The following CYBRD1 variants were observed in gnomAD, a reference collection of about 807,000 sequenced individuals.
The protein encoded by CYBRD1 is cytochrome b reductase 1, also known as plasma membrane ascorbate-dependent reductase CYBRD1.
CYBRD1 carries 14 observed loss-of-function variants against 21.9 expected under a neutral mutation model. The ratio of observed to expected loss-of-function variants is 0.64; its 90% CI spans 0.42 to 1.00. CYBRD1 has a LOEUF of 1.00. Among genes scored for constraint, CYBRD1 ranks in the 50% least tolerant of loss-of-function variants. The pLI is 0.00. For synonymous variants in CYBRD1, 146 were observed against 136.5 expected (o/e 1.07, Z -0.48); for missense variants, 328 against 352.5 (o/e 0.93, Z 0.56).
chr2:171,532,738 T>G (rs1290413459), intron 1 of CYBRD1, among the ~76,000 whole-genome samples: 1 of 151,792 alleles, frequency 6.6e-6, no homozygotes, highest in Admixed American at 6.6e-5. Flanking sequence ...GAAGCAGAGG[T>G]TGCAGTGAGC....
At chr2:171,538,950 A>G (rs538753737) in intron 1 of CYBRD1, among the ~76,000 whole-genome samples, 6 of 152,144 alleles carry the variant, frequency 3.9e-5, no homozygotes, top group African/African-American at 1.4e-4. Flanking sequence ...GGTGCCTACC[A>G]CCACGCCCGG....
intron 2 of CYBRD1, 142 bp from the exon 3 acceptor site, chr2:171,553,204 A>C: frequency 1.1e-6 from 1 of 896,388 alleles, no homozygotes; most frequent in African/African-American, 1.7e-5. Context: ...AGGTAGTGGA[A>C]CTGGAGCGAG....
chr2:171,525,378 A>G (rs1413988883), intron 1 of CYBRD1, among the ~76,000 whole-genome samples: 1 of 152,180 alleles, frequency 6.6e-6, no homozygotes, highest in African/African-American at 2.4e-5. Context: ...ACATGAGCAT[A>G]AATGTTTTCA....
intron 1 of CYBRD1, among the ~76,000 whole-genome samples, chr2:171,534,763 T>C (rs1200010389): frequency 1.3e-5 from 2 of 152,186 alleles, no homozygotes; most frequent in Admixed American, 1.3e-4. Context: ...CTTATGGAAA[T>C]ATTGTTTTAA....
intron 1 of CYBRD1, among the ~76,000 whole-genome samples, chr2:171,526,068 A>G (rs1481932759): frequency 6.6e-6 from 1 of 151,872 alleles, no homozygotes; most frequent in African/African-American, 2.4e-5. Context: ...GGAGTTCGAG[A>G]CCAGCCTGGC....
intron 2 of CYBRD1, among the ~76,000 whole-genome samples, chr2:171,548,677 C>T (rs1697755699): frequency 1.5e-5 from 2 of 134,938 alleles, no homozygotes; most frequent in Admixed American, 1.5e-4. Flanking sequence ...GCAAACCATA[C>T]CTACTACAAA....
At chr2:171,554,409 T>C (rs759147015) in intron 3 of CYBRD1, 115 bp from the exon 4 acceptor site, 9 of 977,778 alleles carry the variant, frequency 9.2e-6, no homozygotes, top group Non-Finnish European at 1.4e-5. Context: ...ATAGCAAGCT[T>C]TGAGAGTTTA....
intron 1 of CYBRD1, chr2:171,523,223 C>T: frequency 2.6e-6 from 1 of 390,556 alleles, no homozygotes. Flanking sequence ...GCTGAACTTG[C>T]TTCCAGGCTG....
chr2:171,531,175 A>C (rs561452126), intron 1 of CYBRD1, among the ~76,000 whole-genome samples: 1 of 151,256 alleles, frequency 6.6e-6, no homozygotes, highest in Admixed American at 6.6e-5. Context: ...AAAAAAAAGA[A>C]AGACTAGAAA....
chr2:171,554,181 T>C (rs2105348454), intron 3 of CYBRD1, among the ~76,000 whole-genome samples: 1 of 152,310 alleles, frequency 6.6e-6, no homozygotes, highest in Non-Finnish European at 1.5e-5. Flanking sequence ...GGGAGTAGCC[T>C]CGGGTCCTTT....
rs750166933 is a variant in CYBRD1 at position 171,554,766 on chromosome 2, A to C, written c.800A>C (p.Glu267Ala). The C allele has an allele frequency of 6.2e-7, 1 of 1,614,008 alleles. No homozygotes were observed. The highest frequency in any genetic ancestry group is 8.5e-7 in the Non-Finnish European group (1 of 1,179,936). The change falls in exon 4 of 4, where the codon GAA becomes GCA. Residue 267 changes from glutamate (E) to alanine (A), a missense_variant. Physicochemically the swap from Glu to Ala is moderately radical, Grantham distance 107. Transcript: ENST00000321348. ...MDKSDSELNS[E>A]VAARKRNLAL... ...AAATCAGATTCAGAGTTAAACAGTG[A>C]AGTAGCAGCAAGGAAAAGAAACTTA...
chr2:171,529,528 T>A (rs553756127), intron 1 of CYBRD1, among the ~76,000 whole-genome samples: 2 of 82,110 alleles, frequency 2.4e-5, no homozygotes, highest in South Asian at 9.0e-4. Context: ...TGAAACTCTG[T>A]CTCAAAAAAA....
chr2:171,541,875 T>C (rs1247156699), intron 2 of CYBRD1, 82 bp downstream of exon 2: 2 of 1,370,408 alleles, frequency 1.5e-6, no homozygotes, highest in Non-Finnish European at 2.0e-6. Flanking sequence ...TTTTTTTTTT[T>C]TTTTTTTGAG....
chr2:171,544,013 T>C lies in CYBRD1; in HGVS notation c.402+2220T>C, dbSNP rs146848208. ...GATAATGCTAAATTGTTTTCCCAAG[T>C]GATTGACCCAGATTATATTCCTGCC... On this transcript the variant is annotated intron_variant, in intron 2 of 3. Transcript: ENST00000321348. Among the ~76,000 whole-genome samples the C allele has an allele frequency of 2.7e-3, 408 of 152,320 alleles. 1 individual carries two copies. Among genetic ancestry groups the C allele is most frequent in the Non-Finnish European group, 3.8e-3 (258 of 68,016 alleles).
intron 1 of CYBRD1, among the ~76,000 whole-genome samples, chr2:171,523,703 G>T (rs1031346474): frequency 7.1e-6 from 1 of 140,996 alleles, no homozygotes; most frequent in Non-Finnish European, 1.5e-5. Flanking sequence ...GCAGTCGCTG[G>T]CAATGTTTGT....
intron 2 of CYBRD1, among the ~76,000 whole-genome samples, chr2:171,550,805 G>A (rs189361810): frequency 1.3e-5 from 2 of 152,046 alleles, no homozygotes; most frequent in African/African-American, 4.8e-5. Flanking sequence ...AAATTATGGA[G>A]GAAATGAGAG....
chr2:171,551,422 A>C (rs1482300857), intron 2 of CYBRD1, among the ~76,000 whole-genome samples: 1 of 152,220 alleles, frequency 6.6e-6, no homozygotes, highest in Non-Finnish European at 1.5e-5. Context: ...AAATAATAAA[A>C]TATGCAAACC....
At position 171,555,156 on chromosome 2, in the gene CYBRD1, G is replaced by T; in HGVS notation, c.*329G>T. ...CTACTAGTAGTTAATTGGATAAACT[G>T]GCAGCATCCCTGGCCTGTTGTCATG... On this transcript the variant is annotated 3_prime_UTR_variant, in exon 4 of 4. Transcript: ENST00000321348. 1 of 326,168 alleles carries T rather than the reference G, an allele frequency of 3.1e-6. No homozygotes were observed. The highest frequency in any genetic ancestry group is 5.8e-6 in the Non-Finnish European group (1 of 172,344). 20.2% of individuals were successfully genotyped at this position (326,168 alleles called of 1,614,324 possible).
chr2:171,522,421 TC>T, upstream of CYBRD1: 2 of 1,510,502 alleles, frequency 1.3e-6, no homozygotes, highest in South Asian at 1.3e-5. This position sits in a 1 kb window ranked among gnomAD's most constrained non-coding sequence, Gnocchi z 4.3. Context: ...AGAAAGTCCC[TC>T]CCCGCAGGCG....
Sources: gnomAD v4.1 joint callset for allele counts (sites outside exome capture counted in the v4.1 genomes callset) on GRCh38, gnomAD v4.1.1 for gene constraint, Gnocchi (gnomAD v3.1) non-coding constraint, MANE v1.5 for transcripts, NCBI Gene and HGNC (gene_info 2026-07-23, HGNC 2026-07-21) for gene names.